Variants in USO1 observed in about 807,000 individuals in gnomAD.
USO1 encodes the protein general vesicular transport factor p115.
A neutral mutation model predicts 124.5 loss-of-function variants in USO1; 57 were observed. That is an observed-to-expected ratio of 0.46 (90% CI 0.37 to 0.57). The LOEUF is 0.57. Ranked by LOEUF, USO1 falls within the 20% of genes least tolerant of loss-of-function variation. The pLI, the probability that USO1 is intolerant of heterozygous loss-of-function variation, is 0.00. For missense variants in USO1, 900 were observed against 1,040.6 expected (o/e 0.86, Z 1.86); for synonymous variants, 369 against 362.8 (o/e 1.02, Z -0.19).
intron 12 of USO1, among the ~76,000 whole-genome samples, chr4:75,791,275 A>G (rs776390604): frequency 1.4e-4 from 22 of 152,214 alleles, no homozygotes; most frequent in Non-Finnish European, 2.8e-4. Context: ...CGTAATCCCA[A>G]CATTTTGGGA....
At chr4:75,763,192 A>G (rs1263813305) in intron 4 of USO1, among the ~76,000 whole-genome samples, 1 of 152,236 alleles carries the variant, frequency 6.6e-6, no homozygotes, top group Admixed American at 6.5e-5. Flanking sequence ...AAATATATCT[A>G]TGCATGCGTA....
At chr4:75,758,628 A>G (rs906593441) in intron 4 of USO1, among the ~76,000 whole-genome samples, 8 of 152,100 alleles carry the variant, frequency 5.3e-5, no homozygotes, top group African/African-American at 1.7e-4. Flanking sequence ...CATGTCTGCA[A>G]TCCCAGCACT....
chr4:75,781,241 T>G (rs1330192878), intron 8 of USO1, among the ~76,000 whole-genome samples: 1 of 152,162 alleles, frequency 6.6e-6, no homozygotes, highest in Non-Finnish European at 1.5e-5. Flanking sequence ...GAATTAGAAG[T>G]GGAGCCTGAA....
chr4:75,798,113 C>G (rs918085923), intron 13 of USO1, among the ~76,000 whole-genome samples: 3 of 152,044 alleles, frequency 2.0e-5, no homozygotes, highest in South Asian at 2.1e-4. Flanking sequence ...TTTTTTGTCT[C>G]TGTAATAAAT....
At chr4:75,806,149 G>A (rs1005546718) in intron 19 of USO1, among the ~76,000 whole-genome samples, 8 of 151,990 alleles carry the variant, frequency 5.3e-5, no homozygotes, top group African/African-American at 1.9e-4. Context: ...ACGCTGCCAC[G>A]TCCGGCTAAT....
intron 4 of USO1, 54 bp downstream of exon 4, chr4:75,757,627 G>A: frequency 7.5e-7 from 1 of 1,326,644 alleles, no homozygotes; most frequent in Non-Finnish European, 9.7e-7. Flanking sequence ...CAACTGGGTT[G>A]TGCTAATTTT....
At chr4:75,751,940 T>A (rs1236297170) in intron 1 of USO1, among the ~76,000 whole-genome samples, 3 of 152,130 alleles carry the variant, frequency 2.0e-5, no homozygotes, top group Non-Finnish European at 2.9e-5. Context: ...AGTTTTGACT[T>A]CTTCTTGTTC....
Position 75,749,573 on chromosome 4 carries a change from A to AT in USO1, c.67-2794dup, listed in dbSNP as rs1009337689. 6.0e-4 allele frequency among the ~76,000 whole-genome samples: 90 copies of AT among 150,548 alleles called. 1 individual carries two copies. Among genetic ancestry groups the AT allele is most frequent in the African/African-American group, 2.2e-3 (89 of 40,998 alleles). ...CACACCATCATACCTAGCTAATTTT[A>AT]TTTTTTGTAGAGACATGGTCTCACT... On this transcript the variant is annotated intron_variant, in intron 1 of 23. Coordinates refer to ENST00000514213, the MANE Select transcript of USO1 (RefSeq NM_003715.4).
chr4:75,748,551 G>A (rs116521851), intron 1 of USO1, among the ~76,000 whole-genome samples: 255 of 152,190 alleles, frequency 1.7e-3, no homozygotes, highest in African/African-American at 5.8e-3. Context: ...ATATTTCTGC[G>A]TTTAGCAAGT....
rs1204208703 is a variant in USO1 at position 75,772,532 on chromosome 4, C to T, written c.555+1395C>T. Among the ~76,000 whole-genome samples the T allele has an allele frequency of 3.9e-5, 6 of 152,090 alleles. No individual in the cohort carries two copies. In the East Asian group the frequency reaches 5.8e-4, roughly 15 times the overall value. ...GATTACAGGCGTGAGCCACCGCGCC[C>T]GGCCGAGAAGTACATTTTTTATTCT... is the stretch of plus-strand genomic sequence containing the variant. On this transcript the variant is annotated intron_variant, in intron 7 of 23. Coordinates refer to ENST00000514213, the MANE Select transcript of USO1 (RefSeq NM_003715.4).
At chr4:75,804,316 C>G in intron 18 of USO1, 44 bp downstream of exon 18, 1 of 1,580,206 alleles carries the variant, frequency 6.3e-7, no homozygotes, top group East Asian at 2.3e-5. Flanking sequence ...TCAGGTCATT[C>G]TTTCCTCAAG....
chr4:75,801,052 A>G, intron 16 of USO1, 27 bp from the exon 17 acceptor site: 3 of 1,495,258 alleles, frequency 2.0e-6, no homozygotes, highest in Non-Finnish European at 2.7e-6. Context: ...CATTTAAAAC[A>G]AATTTTAAAT....
Position 75,804,179 on chromosome 4 carries a change from T to A in USO1, c.2032T>A (p.Cys678Ser). The A allele has an allele frequency of 6.2e-7, 1 of 1,613,592 alleles. No individual in the cohort carries two copies. Among genetic ancestry groups the A allele is most frequent in the South Asian group, 1.1e-5 (1 of 91,004 alleles). ...AAGGCAGCAGGTTTCTACATTAAAA[T>A]GTCAAAATGAACAGCTCCAGACGGC... ...ELRQQVSTLK[C>S]QNEQLQTAVT... The change falls in exon 18 of 24, where the codon TGT (cysteine) becomes AGT (serine). Residue 678 changes from cysteine to serine, a missense_variant. Around this residue, in one of 2 missense-constraint regions of USO1, gnomAD observed 362 missense variants for 359.0 expected, o/e 1.01. Transcript: ENST00000514213.
At position 75,770,212 on chromosome 4, in the gene USO1, T is replaced by A. The variant is rs544282177; in HGVS notation, c.296-227T>A. The stretch of plus-strand genomic sequence containing the variant: ...TATGAGTATTTAAGTATCCTTTTTT[T>A]AGATATCATATTTAAACATTTAGCC... On this transcript the variant is annotated intron_variant, in intron 4 of 23. Coordinates refer to ENST00000514213, the MANE Select transcript of USO1 (RefSeq NM_003715.4). The A allele has an allele frequency of 5.8e-5, 17 of 294,820 alleles. No homozygotes were observed. The South Asian group carries it at 6.4e-4, about 11-fold the overall frequency. 18.3% of individuals were successfully genotyped at this position (294,820 alleles called of 1,614,324 possible). A position where few individuals can be genotyped will look rare whatever the true frequency, so the allele number is the denominator to read the frequency against.
intron 17 of USO1, among the ~76,000 whole-genome samples, chr4:75,802,172 C>G (rs1270033164): frequency 6.6e-6 from 1 of 152,158 alleles, no homozygotes; most frequent in African/African-American, 2.4e-5. Context: ...GTATATTTAG[C>G]ATTCATTCTA....
intron 4 of USO1, among the ~76,000 whole-genome samples, chr4:75,760,363 C>T (rs116442194): frequency 2.5e-3 from 386 of 152,296 alleles, no homozygotes; most frequent in Middle Eastern, 0.017. Flanking sequence ...GACTGTTTTA[C>T]AACCCTCTAA....
At chr4:75,763,223 A>G (rs1340508714) in intron 4 of USO1, among the ~76,000 whole-genome samples, 1 of 152,210 alleles carries the variant, frequency 6.6e-6, no homozygotes, top group Non-Finnish European at 1.5e-5. Flanking sequence ...AGCCATATAA[A>G]CAGGCCTGAA....
At chr4:75,762,526 A>G (rs951024633) in intron 4 of USO1, among the ~76,000 whole-genome samples, 5 of 151,776 alleles carry the variant, frequency 3.3e-5, no homozygotes, top group African/African-American at 4.8e-5. Flanking sequence ...TAGATTTTTA[A>G]TTCAATAAAT....
At chr4:75,811,775 A>AT (rs1036072850) in intron 22 of USO1, among the ~76,000 whole-genome samples, 17 of 151,918 alleles carry the variant, frequency 1.1e-4, no homozygotes, top group Middle Eastern at 3.4e-3. Flanking sequence ...GGGATAAAAA[A>AT]TTTTTTTTTA....
Sources: gnomAD v4.1 joint callset for allele counts (sites outside exome capture counted in the v4.1 genomes callset) on GRCh38, gnomAD v4.1.1 for gene constraint, gnomAD v4.1.1 regional missense constraint, MANE v1.5 for transcripts, NCBI Gene and HGNC (gene_info 2026-07-23, HGNC 2026-07-21) for gene names.